SCFD2: variants seen among roughly 807,000 people sequenced by gnomAD.
SCFD2 encodes the protein sec1 family domain containing 2, also known as sec1 family domain-containing protein 2.
A neutral mutation model predicts 58.9 loss-of-function variants in SCFD2; 54 were observed. The observed-to-expected ratio is 0.92, with a 90% confidence interval of 0.74 to 1.15. The LOEUF (loss-of-function observed/expected upper bound fraction) is 1.15, where lower values mean the gene tolerates loss of function less well. Among genes scored for constraint, SCFD2 ranks in the 50% most tolerant of loss-of-function variants. The pLI is 0.00. For missense variants in SCFD2, 805 were observed against 836.6 expected, an observed-to-expected ratio of 0.96 and a Z score of 0.47; for synonymous variants, 321 against 335.9, an observed-to-expected ratio of 0.96 and a Z score of 0.49.
At chr4:52,991,934 C>T (rs894877923) in intron 5 of SCFD2, among the ~76,000 whole-genome samples, 1 of 152,044 alleles carries the variant, frequency 6.6e-6, no homozygotes, top group Non-Finnish European at 1.5e-5. Context: ...GATACATTTC[C>T]CCAAGCAGCC....
At chr4:53,208,145 C>A (rs1321499861) in intron 4 of SCFD2, among the ~76,000 whole-genome samples, 2 of 149,864 alleles carry the variant, frequency 1.3e-5, no homozygotes, top group African/African-American at 2.5e-5. Context: ...CTTTTTTTTT[C>A]TTTTTATATA....
chr4:53,164,119 T>C (rs1192723499), intron 4 of SCFD2, among the ~76,000 whole-genome samples: 1 of 152,180 alleles, frequency 6.6e-6, no homozygotes, highest in East Asian at 1.9e-4. Flanking sequence ...GAACACTCTA[T>C]AAGGTACTGT....
At chr4:53,193,898 C>T (rs189943156) in intron 4 of SCFD2, among the ~76,000 whole-genome samples, 4 of 152,266 alleles carry the variant, frequency 2.6e-5, no homozygotes, top group Admixed American at 6.5e-5. Flanking sequence ...CACCCCTTCC[C>T]AAGTCTGCGC....
At chr4:53,150,827 T>A (rs1356192085) in intron 4 of SCFD2, among the ~76,000 whole-genome samples, 1 of 152,234 alleles carries the variant, frequency 6.6e-6, no homozygotes, top group Admixed American at 6.5e-5. Flanking sequence ...TCAAATGACG[T>A]AATCCCCATA....
chr4:52,996,189 C>T (rs1178478572), intron 5 of SCFD2, among the ~76,000 whole-genome samples: 2 of 152,174 alleles, frequency 1.3e-5, no homozygotes, highest in Non-Finnish European at 2.9e-5. Flanking sequence ...ACTTGAAATC[C>T]TACATGCTGA....
At chr4:53,107,788 C>T (rs1042407160) in intron 5 of SCFD2, among the ~76,000 whole-genome samples, 3 of 152,148 alleles carry the variant, frequency 2.0e-5, no homozygotes, top group Non-Finnish European at 4.4e-5. Flanking sequence ...AAGACTTTAA[C>T]ACCCCACTGT....
chr4:53,323,922 C>T (rs1335936024), intron 2 of SCFD2, among the ~76,000 whole-genome samples: 3 of 152,018 alleles, frequency 2.0e-5, no homozygotes, highest in African/African-American at 7.3e-5. Context: ...TAAATTTTTG[C>T]AGCCACAATT....
intron 3 of SCFD2, among the ~76,000 whole-genome samples, chr4:53,308,704 A>G (rs1314575712): frequency 6.6e-6 from 1 of 152,224 alleles, no homozygotes; most frequent in Non-Finnish European, 1.5e-5. Flanking sequence ...ACACGTATCA[A>G]ACAAAATTTT....
At chr4:53,231,349 G>A (rs762133810) in intron 4 of SCFD2, among the ~76,000 whole-genome samples, 5 of 152,088 alleles carry the variant, frequency 3.3e-5, no homozygotes, top group Non-Finnish European at 7.4e-5. Flanking sequence ...CAGCCTTGCT[G>A]TCAAAGCATG....
At chr4:53,338,575 CTTTT>C (rs56263068) in intron 2 of SCFD2, among the ~76,000 whole-genome samples, 5 of 72,296 alleles carry the variant, frequency 6.9e-5, no homozygotes, top group African/African-American at 2.0e-4. Flanking sequence ...GTATATTTTT[CTTTT>C]TTTTTTTTTT....
chr4:52,940,628 A>AC (rs1156759410), intron 5 of SCFD2, among the ~76,000 whole-genome samples: 2 of 152,296 alleles, frequency 1.3e-5, no homozygotes, highest in South Asian at 4.1e-4. Context: ...GGAAACATGA[A>AC]CCACTGCTCG....
At position 53,139,014 on chromosome 4, in the gene SCFD2, G is replaced by A. The variant is rs1181532964; in HGVS notation, c.1561+6319C>T. Among the ~76,000 whole-genome samples the A allele has an allele frequency of 2.6e-5, 4 of 152,270 alleles. No individual in the cohort carries two copies. In the East Asian group the frequency reaches 5.8e-4, roughly 22 times the overall value. On this transcript the variant is annotated intron_variant, in intron 5 of 8. Transcript: ENST00000401642. ...GCCTGCCAAGTGCCTGGGATTGCAG[G>A]TGCGCGCCGCCACGCGTGACTGGTT...
chr4:52,934,976 C>T (rs1338288334), intron 5 of SCFD2, among the ~76,000 whole-genome samples: 2 of 152,200 alleles, frequency 1.3e-5, no homozygotes, highest in Non-Finnish European at 1.5e-5. Context: ...ACAGTAGCCG[C>T]TAGCTACTTA....
At chr4:53,084,999 C>A (rs1724264194) in intron 5 of SCFD2, among the ~76,000 whole-genome samples, 1 of 152,174 alleles carries the variant, frequency 6.6e-6, no homozygotes, top group Non-Finnish European at 1.5e-5. Flanking sequence ...TCCACTTTCA[C>A]CACTGTTATT....
At chr4:53,178,194 C>T (rs1051009941) in intron 4 of SCFD2, among the ~76,000 whole-genome samples, 8 of 152,164 alleles carry the variant, frequency 5.3e-5, no homozygotes, top group South Asian at 4.1e-4. Context: ...AACAGGCAGA[C>T]GGCCTCCTCA....
intron 5 of SCFD2, among the ~76,000 whole-genome samples, chr4:52,992,253 T>C (rs977824184): frequency 2.6e-5 from 4 of 152,178 alleles, no homozygotes; most frequent in Non-Finnish European, 5.9e-5. Context: ...GGTCTCCAGC[T>C]CCTAACCGCG....
At chr4:53,192,067 T>A (rs907920723) in intron 4 of SCFD2, among the ~76,000 whole-genome samples, 4 of 152,128 alleles carry the variant, frequency 2.6e-5, no homozygotes, top group Admixed American at 1.3e-4. Flanking sequence ...GTCTTGAAAA[T>A]TAACAAATTT....
chr4:53,150,606 G>T (rs1347820609), intron 4 of SCFD2, among the ~76,000 whole-genome samples: 1 of 152,208 alleles, frequency 6.6e-6, no homozygotes, highest in African/African-American at 2.4e-5. Flanking sequence ...TAATAAGGAT[G>T]TGGGAATAAG....
At chr4:52,975,864 T>C (rs570310474) in intron 5 of SCFD2, among the ~76,000 whole-genome samples, 4 of 152,130 alleles carry the variant, frequency 2.6e-5, no homozygotes, top group Admixed American at 2.6e-4. Flanking sequence ...TGAGTTCACG[T>C]TCTTTGTAGG....
Sources: gnomAD v4.1 joint callset for allele counts (sites outside exome capture counted in the v4.1 genomes callset) on GRCh38, gnomAD v4.1.1 for gene constraint, MANE v1.5 for transcripts, NCBI Gene and HGNC (gene_info 2026-07-23, HGNC 2026-07-21) for gene names.